SPAG16: variants seen among roughly 807,000 people sequenced by gnomAD.
SPAG16 encodes the protein sperm associated antigen 16.
A neutral mutation model predicts 80.4 loss-of-function variants in SPAG16; 86 were observed. The observed-to-expected ratio is 1.07, with a 90% CI of 0.90 to 1.28. The LOEUF (loss-of-function observed/expected upper bound fraction) is 1.28, where lower values mean the gene tolerates loss of function less well. Among genes scored for constraint, SPAG16 ranks in the 50% most tolerant of loss-of-function variants. The pLI is 0.00. For missense variants in SPAG16, 870 were observed against 765.3 expected (o/e 1.14, Z -1.61); for synonymous variants, 294 against 265.9 (o/e 1.11, Z -1.03).
intron 14 of SPAG16, among the ~76,000 whole-genome samples, chr2:214,134,981 C>T (rs1460670946): frequency 6.6e-6 from 1 of 152,202 alleles, no homozygotes; most frequent in East Asian, 1.9e-4. Flanking sequence ...CCTGCCTTCT[C>T]TTCCCTATTA....
intron 12 of SPAG16, among the ~76,000 whole-genome samples, chr2:213,995,085 A>G (rs950609343): frequency 3.9e-5 from 6 of 152,236 alleles, no homozygotes; most frequent in African/African-American, 1.4e-4. Context: ...CTAGTTGAGA[A>G]GACTTCTCAT....
intron 15 of SPAG16, among the ~76,000 whole-genome samples, chr2:214,363,959 A>G (rs1393203903): frequency 1.3e-5 from 2 of 152,070 alleles, no homozygotes; most frequent in African/African-American, 4.8e-5. Context: ...GGCCTCTCTC[A>G]ACTCTATTTT....
chr2:213,844,990 A>C (rs2074541580), intron 10 of SPAG16, among the ~76,000 whole-genome samples: 1 of 152,188 alleles, frequency 6.6e-6, no homozygotes, highest in Non-Finnish European at 1.5e-5. Context: ...TTCACAATGC[A>C]TATGTAACAT....
At chr2:214,238,254 G>A (rs1689212805) in intron 15 of SPAG16, 1 of 321,774 alleles carries the variant, frequency 3.1e-6, no homozygotes. Context: ...CATATGATGA[G>A]ATATTTTATG....
rs890003776 is a variant in SPAG16, at chr2:213,458,271, T to TA, written c.943-31683dup. 5.3e-5 allele frequency among the ~76,000 whole-genome samples: 8 copies of TA among 151,522 alleles called. No individual in the cohort carries two copies. The East Asian group carries it at 7.8e-4, about 15-fold the overall frequency. ...CATTTGCCTTCTAAATGATGAAGAT[T>TA]AAAAAAAAATCCTTGGCTGGGTGCA... is the stretch of plus-strand genomic sequence containing the variant. On this transcript the variant is annotated intron_variant, in intron 9 of 15. Transcript: ENST00000331683.
At chr2:213,885,093 T>C (rs1045421787) in intron 11 of SPAG16, among the ~76,000 whole-genome samples, 2 of 152,192 alleles carry the variant, frequency 1.3e-5, no homozygotes, top group Non-Finnish European at 2.9e-5. Flanking sequence ...CTTGTGCTGA[T>C]TTTTGTACCC....
At chr2:213,699,572 C>T (rs1053679127) in intron 10 of SPAG16, among the ~76,000 whole-genome samples, 2 of 152,120 alleles carry the variant, frequency 1.3e-5, no homozygotes, top group African/African-American at 4.8e-5. Context: ...AGCAGGATGT[C>T]TAGTATGCTT....
intron 13 of SPAG16, among the ~76,000 whole-genome samples, chr2:214,057,196 T>A (rs1433583226): frequency 3.5e-5 from 4 of 112,936 alleles, no homozygotes; most frequent in Admixed American, 2.7e-4. Flanking sequence ...TTTTTTTTTT[T>A]ACCTTTTCAA....
intron 10 of SPAG16, among the ~76,000 whole-genome samples, chr2:213,584,879 CTT>C (rs373891272): frequency 6.6e-5 from 10 of 152,204 alleles, no homozygotes; most frequent in Non-Finnish European, 1.0e-4. Flanking sequence ...AAAATGTACT[CTT>C]ATCGTTTTTA....
intron 10 of SPAG16, among the ~76,000 whole-genome samples, chr2:213,553,391 G>A (rs2076842539): frequency 6.6e-6 from 1 of 152,114 alleles, no homozygotes; most frequent in Non-Finnish European, 1.5e-5. Context: ...AAAGAAGAAT[G>A]GTATAGGCTA....
At chr2:213,989,055 T>C (rs1244502229) in intron 12 of SPAG16, among the ~76,000 whole-genome samples, 1 of 152,130 alleles carries the variant, frequency 6.6e-6, no homozygotes, top group Non-Finnish European at 1.5e-5. Context: ...AGGTTTGTGC[T>C]GGGTCAGGTT....
rs187915740 is a variant in SPAG16, at chr2:214,011,253, A to T, written c.1401-2698A>T. Among the ~76,000 whole-genome samples the T allele has an allele frequency of 2.4e-3, 353 of 146,462 alleles. 56 individuals are homozygous for T. The highest frequency in any genetic ancestry group is 9.2e-3 in the African/African-American group (343 of 37,448). On this transcript the variant is annotated intron_variant, in intron 12 of 15. Transcript: ENST00000331683. The stretch of plus-strand genomic sequence containing the variant: ...ATAGTGGGCTTTGGAATAGAAACTT[A>T]AAAAATGTTCATACTTACATTTTTA...
intron 12 of SPAG16, among the ~76,000 whole-genome samples, chr2:213,942,409 G>A (rs988987327): frequency 1.3e-5 from 2 of 152,156 alleles, no homozygotes; most frequent in Admixed American, 6.5e-5. Flanking sequence ...TTTTCTCTGA[G>A]TGACAACATG....
chr2:214,111,335 A>G (rs1396967395), intron 14 of SPAG16, among the ~76,000 whole-genome samples: 6 of 152,280 alleles, frequency 3.9e-5, no homozygotes, highest in Non-Finnish European at 2.9e-5. Context: ...ATCCAGTTTC[A>G]GCTTTCTACA....
chr2:214,100,773 T>A (rs150191560), intron 13 of SPAG16, among the ~76,000 whole-genome samples: 1 of 152,288 alleles, frequency 6.6e-6, no homozygotes, highest in East Asian at 1.9e-4. Flanking sequence ...AGCACTTTTT[T>A]TCTTCATCCA....
At chr2:213,328,352 C>T (rs901864657) in intron 5 of SPAG16, among the ~76,000 whole-genome samples, 1 of 144,832 alleles carries the variant, frequency 6.9e-6, no homozygotes, top group Admixed American at 6.9e-5. Flanking sequence ...TGAAGAGATT[C>T]ATTGATCCTT....
chr2:214,275,992 A>T (rs1692436390), intron 15 of SPAG16, among the ~76,000 whole-genome samples: 2 of 152,126 alleles, frequency 1.3e-5, no homozygotes, highest in South Asian at 4.1e-4. Context: ...TTGGGTGCAT[A>T]TATATTTAGG....
At chr2:213,318,502 G>T (rs1368016154) in intron 5 of SPAG16, among the ~76,000 whole-genome samples, 1 of 151,930 alleles carries the variant, frequency 6.6e-6, no homozygotes, top group African/African-American at 2.4e-5. Flanking sequence ...GACTTTAAAA[G>T]GTGGGAGAGT....
chr2:213,443,051 T>C (rs1289885433), intron 9 of SPAG16, among the ~76,000 whole-genome samples: 3 of 152,214 alleles, frequency 2.0e-5, no homozygotes, highest in African/African-American at 2.4e-5. Context: ...TCAGAAGTTG[T>C]ATATATTTAA....
Sources: gnomAD v4.1 joint callset for allele counts (sites outside exome capture counted in the v4.1 genomes callset) on GRCh38, gnomAD v4.1.1 for gene constraint, MANE v1.5 for transcripts, NCBI Gene and HGNC (gene_info 2026-07-23, HGNC 2026-07-21) for gene names.